RECK: variants seen among roughly 807,000 people sequenced by gnomAD.
The protein encoded by RECK is reversion-inducing cysteine-rich protein with Kazal motifs.
RECK carries 69 observed loss-of-function variants against 115.1 expected under a neutral mutation model. That is an observed-to-expected ratio of 0.60 (90% confidence interval 0.49 to 0.73). The LOEUF (loss-of-function observed/expected upper bound fraction) is 0.73. RECK is among the 30% of genes least tolerant of loss of function. The pLI, the probability that RECK is intolerant of heterozygous loss-of-function variation, is 0.00. For synonymous variants in RECK, 414 were observed against 419.7 expected, an observed-to-expected ratio of 0.99 and a Z score of 0.17; for missense variants, 1,047 against 1,203.7, an observed-to-expected ratio of 0.87 and a Z score of 1.93.
At chr9:36,066,668 C>A in intron 6 of RECK, 1 of 463,472 alleles carries the variant, frequency 2.2e-6, no homozygotes. Context: ...ATCTCTCTAT[C>A]TTTGAAATAA....
intron 10 of RECK, among the ~76,000 whole-genome samples, chr9:36,091,956 G>T (rs1823174568): frequency 6.6e-6 from 1 of 152,182 alleles, no homozygotes; most frequent in African/African-American, 2.4e-5. Flanking sequence ...AGAAGAGGTG[G>T]CTGATTTATA....
At chr9:36,050,207 A>G (rs1821233527) in intron 1 of RECK, among the ~76,000 whole-genome samples, 1 of 152,180 alleles carries the variant, frequency 6.6e-6, no homozygotes, top group African/African-American at 2.4e-5. Flanking sequence ...TTAGATATAT[A>G]ATAGGCATCT....
At chr9:36,104,765 T>A (rs1037460703) in intron 12 of RECK, among the ~76,000 whole-genome samples, 2 of 152,162 alleles carry the variant, frequency 1.3e-5, no homozygotes, top group Admixed American at 6.5e-5. Flanking sequence ...CGCCTCAGCC[T>A]CCCAAAGTGC....
At position 36,121,551 on chromosome 9, in the gene RECK, A is replaced by G. The variant is rs1307461233; in HGVS notation, c.2557A>G (p.Ile853Val). The G allele has an allele frequency of 5.0e-6, 8 of 1,613,856 alleles. No individual in the cohort carries two copies. The highest frequency in any genetic ancestry group is 3.3e-4 in the Middle Eastern group (2 of 6,084). ...TTTCCAGGTAACAAATAAAAAGCCAATAACAGTTCTGGAAATACTTCAGAA... is the reference window on the plus strand; with the variant it reads ...TTTCCAGGTAACAAATAAAAAGCCAGTAACAGTTCTGGAAATACTTCAGAA... Reference protein sequence around the residue: ...TIAKVTNKKPITVLEILQKIR... With the variant: ...TIAKVTNKKPVTVLEILQKIR... Residue 853 changes from isoleucine to valine, a missense_variant, in exon 20 of 21, where the codon ATA becomes GTA. Ile to Val is a conservative substitution (Grantham distance 29). Coordinates refer to ENST00000377966, the MANE Select transcript of RECK (RefSeq NM_021111.3).
intron 15 of RECK, among the ~76,000 whole-genome samples, 159 bp downstream of exon 15, chr9:36,110,238 C>T (rs192380083): frequency 8.8e-4 from 134 of 152,312 alleles, no homozygotes; most frequent in Middle Eastern, 3.4e-3. Flanking sequence ...ATCTCAGTTT[C>T]TTCCTCTATG....
At chr9:36,053,092 A>G (rs1821372123) in intron 2 of RECK, among the ~76,000 whole-genome samples, 1 of 152,236 alleles carries the variant, frequency 6.6e-6, no homozygotes, top group South Asian at 2.1e-4. Flanking sequence ...GTTTGTGTAT[A>G]TATACAGAGA....
chr9:36,096,929 C>CACAT (rs765269660), intron 10 of RECK, among the ~76,000 whole-genome samples: 60 of 151,908 alleles, frequency 3.9e-4, no homozygotes, highest in Non-Finnish European at 1.3e-4. Flanking sequence ...TGCATACACA[C>CACAT]ACACACACAC....
intron 16 of RECK, among the ~76,000 whole-genome samples, chr9:36,113,138 TTAA>T (rs376934279): frequency 3.5e-4 from 54 of 152,348 alleles, no homozygotes; most frequent in African/African-American, 1.3e-3. Flanking sequence ...TGCCCCAGCC[TTAA>T]TGATGGATTT....
chr9:36,099,831 T>A lies in RECK; in HGVS notation c.1086-500T>A, dbSNP rs539721001. Among the ~76,000 whole-genome samples, 8 of 152,148 alleles carry A rather than the reference T, an allele frequency of 5.3e-5. No individual in the cohort carries two copies. In the South Asian group the frequency reaches 1.2e-3, roughly 24 times the overall value. ...ATGGTGATATAAGTATAAATAGTTA[T>A]GGCCTCTGAGTTGCAGTCAGTAGGG... On this transcript the variant is annotated intron_variant, in intron 10 of 20. Transcript: ENST00000377966.
At chr9:36,046,187 A>G (rs1023583201) in intron 1 of RECK, among the ~76,000 whole-genome samples, 3 of 152,146 alleles carry the variant, frequency 2.0e-5, no homozygotes, top group Admixed American at 1.3e-4. Flanking sequence ...CAAATTATAA[A>G]CCCAGAATAT....
chr9:36,061,444 T>C (rs1345550327), intron 4 of RECK, among the ~76,000 whole-genome samples: 1 of 103,836 alleles, frequency 9.6e-6, no homozygotes, highest in African/African-American at 3.1e-5. Context: ...ACACAGTTGC[T>C]AACAAACTGT....
In RECK at chr9:36,105,149, G is replaced by A. The variant is rs781249613; in HGVS notation, c.1442G>A (p.Ser481Asn). 5 of 1,613,914 alleles carry A rather than the reference G, an allele frequency of 3.1e-6. No individual in the cohort carries two copies. The highest frequency in any genetic ancestry group is 2.5e-6 in the Non-Finnish European group (3 of 1,179,930). ...TCTGTTTTGGTTTTTTCAGGGCCAA[G>A]TACTTTAGGTAACATTGTAGAAGAA... ...CIPLDTYLRP[S>N]TLGNIVEEVT... The change falls in exon 13 of 21, where the codon AGT (serine) becomes AAT (asparagine). Residue 481 changes from serine (S) to asparagine (N), a missense_variant. Ser to Asn is a conservative substitution (Grantham distance 46). Transcript: ENST00000377966.
chr9:36,046,894 T>C (rs1821089864), intron 1 of RECK, among the ~76,000 whole-genome samples: 1 of 152,234 alleles, frequency 6.6e-6, no homozygotes, highest in Non-Finnish European at 1.5e-5. Flanking sequence ...AAAAAGGCTT[T>C]TATAGTTATA....
chr9:36,107,299 A>G (rs1823859030), intron 13 of RECK, among the ~76,000 whole-genome samples: 1 of 151,438 alleles, frequency 6.6e-6, no homozygotes, highest in African/African-American at 2.4e-5. Context: ...ATATTATTCT[A>G]AAAATACTGG....
At chr9:36,081,824 CTG>C (rs1453495243) in intron 7 of RECK, among the ~76,000 whole-genome samples, 2 of 130,140 alleles carry the variant, frequency 1.5e-5, no homozygotes, top group African/African-American at 6.0e-5. Context: ...CAGAGTGAGA[CTG>C]TGTCTCAAAA....
intron 10 of RECK, among the ~76,000 whole-genome samples, chr9:36,099,120 G>T (rs1227485986): frequency 1.3e-5 from 2 of 152,004 alleles, no homozygotes; most frequent in African/African-American, 4.8e-5. Flanking sequence ...CAGCTACTTG[G>T]GAGGCTGAGG....
At chr9:36,072,322 T>A (rs1397775386) in intron 6 of RECK, among the ~76,000 whole-genome samples, 2 of 152,220 alleles carry the variant, frequency 1.3e-5, no homozygotes, top group Non-Finnish European at 2.9e-5. Flanking sequence ...AATTTAGAGA[T>A]AAGAGGAGCA....
intron 6 of RECK, 101 bp from the exon 7 acceptor site, chr9:36,080,504 A>G: frequency 1.1e-6 from 1 of 918,612 alleles, no homozygotes; most frequent in Non-Finnish European, 1.7e-6. Flanking sequence ...AGAATTAAAT[A>G]GTTTTAATAT....
intron 11 of RECK, among the ~76,000 whole-genome samples, chr9:36,101,527 G>A (rs1041155516): frequency 6.6e-6 from 1 of 152,108 alleles, no homozygotes; most frequent in Non-Finnish European, 1.5e-5. Flanking sequence ...AACCTGATGG[G>A]GAAATACTGA....
Sources: gnomAD v4.1 joint callset for allele counts (sites outside exome capture counted in the v4.1 genomes callset) on GRCh38, gnomAD v4.1.1 for gene constraint, MANE v1.5 for transcripts, NCBI Gene and HGNC (gene_info 2026-07-23, HGNC 2026-07-21) for gene names.